Variants in PARN observed in about 807,000 individuals in gnomAD.
The protein encoded by PARN is poly(A)-specific ribonuclease PARN.
PARN carries 71 observed loss-of-function variants against 102.8 expected under a neutral mutation model. That is an observed-to-expected ratio of 0.69 (90% CI 0.57 to 0.84). PARN has a LOEUF of 0.84. Among genes scored for constraint, PARN ranks in the 40% least tolerant of loss-of-function variants. The pLI is 0.00. For synonymous variants in PARN, 261 were observed against 252.9 expected, an observed-to-expected ratio of 1.03 and a Z score of -0.30; for missense variants, 782 against 760.9, an observed-to-expected ratio of 1.03 and a Z score of -0.33.
At chr16:14,593,005 G>A (rs957785390) in intron 13 of PARN, among the ~76,000 whole-genome samples, 2 of 151,930 alleles carry the variant, frequency 1.3e-5, no homozygotes, top group Admixed American at 6.6e-5. Flanking sequence ...GCGTGGTGAC[G>A]GGTGCCTGTA....
At chr16:14,599,999 T>C (rs751514040) in intron 11 of PARN, 39 bp from the exon 12 acceptor site, 10 of 1,154,220 alleles carry the variant, frequency 8.7e-6, no homozygotes, top group Non-Finnish European at 1.2e-5. Flanking sequence ...TATTGATGTA[T>C]AAATATTCCT....
intron 5 of PARN, among the ~76,000 whole-genome samples, chr16:14,622,540 T>C (rs1406246905): frequency 2.0e-5 from 3 of 152,248 alleles, no homozygotes; most frequent in Non-Finnish European, 1.5e-5. Flanking sequence ...AGTCTCGCTC[T>C]GTCACCCAGG....
intron 22 of PARN, among the ~76,000 whole-genome samples, chr16:14,479,641 T>C (rs1001743088): frequency 2.6e-5 from 4 of 152,020 alleles, no homozygotes; most frequent in Non-Finnish European, 5.9e-5. Context: ...AGTAATAAGA[T>C]AGTGTGGTAC....
intron 18 of PARN, among the ~76,000 whole-genome samples, chr16:14,569,068 C>T (rs1463916268): frequency 2.0e-5 from 3 of 147,836 alleles, no homozygotes; most frequent in East Asian, 4.1e-4. Context: ...AAAAATTTGC[C>T]GGGTATGGTG....
intron 21 of PARN, among the ~76,000 whole-genome samples, chr16:14,488,727 G>A (rs1963881355): frequency 6.6e-6 from 1 of 152,130 alleles, no homozygotes; most frequent in South Asian, 2.1e-4. Context: ...ACAACTATTG[G>A]GAAGGTGTGG....
intron 21 of PARN, among the ~76,000 whole-genome samples, chr16:14,525,503 T>C (rs914143156): frequency 6.6e-6 from 1 of 152,114 alleles, no homozygotes; most frequent in East Asian, 1.9e-4. Context: ...ACAGGGACCA[T>C]GAATCAAGCT....
At chr16:14,452,854 A>G (rs1164353350) in intron 22 of PARN, among the ~76,000 whole-genome samples, 1 of 152,232 alleles carries the variant, frequency 6.6e-6, no homozygotes, top group Non-Finnish European at 1.5e-5. Context: ...ATATAACTTA[A>G]CTACGGCAGT....
At chr16:14,451,536 G>A (rs2151561980) in intron 22 of PARN, among the ~76,000 whole-genome samples, 1 of 151,910 alleles carries the variant, frequency 6.6e-6, no homozygotes, top group East Asian at 1.9e-4. Context: ...GGAAAGGGTG[G>A]GTATTTTATA....
chr16:14,549,892 G>A (rs1441956901), intron 21 of PARN, among the ~76,000 whole-genome samples: 2 of 152,074 alleles, frequency 1.3e-5, no homozygotes, highest in African/African-American at 2.4e-5. Flanking sequence ...AAACAAACAC[G>A]GAACCTGTGG....
At chr16:14,530,975 T>TCCATC (rs2042550525) in intron 21 of PARN, among the ~76,000 whole-genome samples, 8 of 151,494 alleles carry the variant, frequency 5.3e-5, no homozygotes, top group Non-Finnish European at 7.4e-5. Context: ...ATTCATTCAT[T>TCCATC]CATCCATCCA....
intron 23 of PARN, among the ~76,000 whole-genome samples, chr16:14,444,983 ATTTTTTT>A (rs564058919): frequency 0.014 from 1,600 of 117,950 alleles, 30 homozygotes; most frequent in African/African-American, 0.045. Context: ...TAATATTTAA[ATTTTTTT>A]TTTTTTTTTT....
intron 21 of PARN, among the ~76,000 whole-genome samples, chr16:14,522,463 C>T (rs1483555759): frequency 2.0e-5 from 3 of 152,162 alleles, no homozygotes; most frequent in East Asian, 3.9e-4. Context: ...TGGCTTGAGT[C>T]CTGGAGTTTA....
At chr16:14,505,709 T>G (rs1189345479) in intron 21 of PARN, among the ~76,000 whole-genome samples, 1 of 152,140 alleles carries the variant, frequency 6.6e-6, no homozygotes, top group Non-Finnish European at 1.5e-5. Context: ...ATGATGTAGG[T>G]GTACTTATAA....
intron 13 of PARN, 62 bp from the exon 14 acceptor site, chr16:14,586,423 T>C (rs2151757294): frequency 4.2e-6 from 4 of 963,826 alleles, no homozygotes; most frequent in Non-Finnish European, 4.9e-6. Context: ...TTAAAAAACA[T>C]GTAAACAGCT....
intron 22 of PARN, among the ~76,000 whole-genome samples, chr16:14,479,679 G>C (rs1017694252): frequency 6.6e-6 from 1 of 152,096 alleles, no homozygotes; most frequent in East Asian, 1.9e-4. Context: ...TAACTGACTG[G>C]AAGTGAAGAG....
chr16:14,604,619 A>T (rs1291718725), intron 10 of PARN, among the ~76,000 whole-genome samples: 3 of 151,576 alleles, frequency 2.0e-5, no homozygotes, highest in Non-Finnish European at 1.5e-5. Flanking sequence ...TTCTGCTGCC[A>T]TTAGAATTTT....
intron 18 of PARN, among the ~76,000 whole-genome samples, chr16:14,556,785 C>T (rs1483484995): frequency 6.6e-6 from 1 of 151,964 alleles, no homozygotes; most frequent in African/African-American, 2.4e-5. Flanking sequence ...AGAATGACAA[C>T]ACAGGTTTCT....
At chr16:14,615,113 A>G (rs1318351820) in intron 6 of PARN, among the ~76,000 whole-genome samples, 1 of 152,108 alleles carries the variant, frequency 6.6e-6, no homozygotes, top group Admixed American at 6.6e-5. Flanking sequence ...GCCTGAATGG[A>G]AAGCCTTGAA....
intron 20 of PARN, among the ~76,000 whole-genome samples, chr16:14,553,771 A>G (rs1347668901): frequency 1.3e-5 from 2 of 152,184 alleles, no homozygotes; most frequent in African/African-American, 4.8e-5. Context: ...CTTAAAAATT[A>G]TTTATGCTTA....
Sources: gnomAD v4.1 joint callset for allele counts (sites outside exome capture counted in the v4.1 genomes callset) on GRCh38, gnomAD v4.1.1 for gene constraint, MANE v1.5 for transcripts, NCBI Gene and HGNC (gene_info 2026-07-23, HGNC 2026-07-21) for gene names.